HOMER1: variants seen among roughly 807,000 people sequenced by gnomAD.
HOMER1 encodes the protein homer scaffold protein 1, also known as homer protein homolog 1.
Under a neutral mutation model 48.9 loss-of-function variants are expected in HOMER1, and 3 were observed. The ratio of observed to expected loss-of-function variants is 0.06; its 90% CI spans 0.03 to 0.16. The LOEUF (loss-of-function observed/expected upper bound fraction) is 0.16, where lower values mean the gene tolerates loss of function less well. Among genes scored for constraint, HOMER1 ranks in the 10% least tolerant of loss-of-function variants. The pLI, the probability that HOMER1 is intolerant of heterozygous loss-of-function variation, is 1.00. For missense variants in HOMER1, 247 were observed against 411.4 expected (o/e 0.60, Z 3.46); for synonymous variants, 134 against 146.4 (o/e 0.92, Z 0.61).
intron 1 of HOMER1, among the ~76,000 whole-genome samples, chr5:79,484,568 AT>A (rs1752043187): frequency 6.6e-6 from 1 of 152,228 alleles, no homozygotes; most frequent in Admixed American, 6.5e-5. Flanking sequence ...AATTAAAAAA[AT>A]AAAAAATAAA....
chr5:79,464,452 A>G (rs1273365355), intron 1 of HOMER1, among the ~76,000 whole-genome samples: 1 of 152,236 alleles, frequency 6.6e-6, no homozygotes, highest in African/African-American at 2.4e-5. Context: ...TAAGTCCAGG[A>G]ATAGACGGAC....
chr5:79,456,145 CAAA>C (rs66567622), intron 2 of HOMER1, among the ~76,000 whole-genome samples: 17 of 112,518 alleles, frequency 1.5e-4, no homozygotes, highest in Admixed American at 1.8e-4. Context: ...GACTCCGTCT[CAAA>C]AAAAAAAAAA....
At chr5:79,446,141 T>C (rs1429314653) in intron 4 of HOMER1, among the ~76,000 whole-genome samples, 1 of 152,114 alleles carries the variant, frequency 6.6e-6, no homozygotes, top group African/African-American at 2.4e-5. Context: ...AACTAGCCAA[T>C]CCAGAGCCAT....
chr5:79,453,361 G>A (rs4566766), intron 2 of HOMER1, among the ~76,000 whole-genome samples: 49,613 of 151,988 alleles, frequency 0.33, 8,557 homozygotes, highest in African/African-American at 0.44. Context: ...CAACGTGCTG[G>A]TAGTTGGTCA....
At chr5:79,382,442 C>G (rs1215123074) in intron 8 of HOMER1, among the ~76,000 whole-genome samples, 2 of 152,104 alleles carry the variant, frequency 1.3e-5, no homozygotes, top group Admixed American at 1.3e-4. Flanking sequence ...CCCTTCAGAC[C>G]AACAGGGCAT....
At chr5:79,379,428 A>C (rs1441932660) in intron 8 of HOMER1, among the ~76,000 whole-genome samples, 7 of 115,984 alleles carry the variant, frequency 6.0e-5, no homozygotes, top group African/African-American at 2.3e-4. Flanking sequence ...TTTATATATT[A>C]TATATTTATT....
chr5:79,410,349 G>A (rs1749783928), intron 5 of HOMER1, among the ~76,000 whole-genome samples: 1 of 151,952 alleles, frequency 6.6e-6, no homozygotes, highest in African/African-American at 2.4e-5. Context: ...AAATTAGCTA[G>A]GCATGGTGGC....
chr5:79,399,113 T>C (rs1430587883), intron 6 of HOMER1, among the ~76,000 whole-genome samples: 5 of 152,240 alleles, frequency 3.3e-5, no homozygotes, highest in Non-Finnish European at 5.9e-5. Flanking sequence ...ATAGTTTTTA[T>C]TGGAGTAACT....
At chr5:79,407,243 T>A (rs1447334675) in intron 5 of HOMER1, among the ~76,000 whole-genome samples, 1 of 151,838 alleles carries the variant, frequency 6.6e-6, no homozygotes, top group Non-Finnish European at 1.5e-5. Flanking sequence ...GAGGAAATAG[T>A]GTTCATCATT....
chr5:79,424,763 G>A (rs937434976), intron 5 of HOMER1, among the ~76,000 whole-genome samples: 1 of 151,994 alleles, frequency 6.6e-6, no homozygotes, highest in East Asian at 1.9e-4. Flanking sequence ...AAGAAGTCCA[G>A]GAAGATCAGG....
chr5:79,488,628 T>A (rs1190962956), intron 1 of HOMER1, among the ~76,000 whole-genome samples: 1 of 152,234 alleles, frequency 6.6e-6, no homozygotes. Context: ...ACCTTTTTCT[T>A]ACTGTACATC....
At chr5:79,391,914 A>G (rs1749263643) in intron 8 of HOMER1, among the ~76,000 whole-genome samples, 1 of 152,158 alleles carries the variant, frequency 6.6e-6, no homozygotes, top group South Asian at 2.1e-4. Context: ...GTTTTGATCA[A>G]CCATGAACAG....
intron 8 of HOMER1, among the ~76,000 whole-genome samples, chr5:79,385,194 T>A (rs1270373896): frequency 2.0e-5 from 3 of 152,076 alleles, no homozygotes; most frequent in Non-Finnish European, 4.4e-5. Context: ...TGGACATTGG[T>A]GTAGGCAAAG....
chr5:79,472,388 C>T (rs969569290), intron 1 of HOMER1, among the ~76,000 whole-genome samples: 4 of 152,296 alleles, frequency 2.6e-5, no homozygotes, highest in Admixed American at 1.3e-4. Flanking sequence ...TAAATAAATA[C>T]ATATGTAAAC....
At chr5:79,479,997 T>C (rs1251191071) in intron 1 of HOMER1, among the ~76,000 whole-genome samples, 3 of 152,320 alleles carry the variant, frequency 2.0e-5, no homozygotes, top group Non-Finnish European at 4.4e-5. Context: ...CAAATTACTG[T>C]CATGGGACAA....
At chr5:79,488,194 T>C (rs551038174) in intron 1 of HOMER1, among the ~76,000 whole-genome samples, 4 of 152,300 alleles carry the variant, frequency 2.6e-5, no homozygotes, top group Non-Finnish European at 4.4e-5. Flanking sequence ...TTTAAGAACA[T>C]GCAACCCGAA....
intron 4 of HOMER1, among the ~76,000 whole-genome samples, chr5:79,443,827 T>A (rs1403860732): frequency 6.6e-6 from 1 of 152,226 alleles, no homozygotes; most frequent in African/African-American, 2.4e-5. Context: ...AACCATGACC[T>A]GACACTGTGT....
chr5:79,465,527 GA>G (rs1191553647), intron 1 of HOMER1, among the ~76,000 whole-genome samples: 1 of 143,914 alleles, frequency 6.9e-6, no homozygotes, highest in East Asian at 2.1e-4. Flanking sequence ...TGGAAATTAA[GA>G]TTCTTAAATT....
intron 1 of HOMER1, among the ~76,000 whole-genome samples, chr5:79,468,251 T>C (rs1216842396): frequency 2.0e-5 from 3 of 152,220 alleles, no homozygotes; most frequent in Non-Finnish European, 2.9e-5. Flanking sequence ...AGCTTTTAAA[T>C]ATATATGGAA....
Sources: gnomAD v4.1 joint callset for allele counts (sites outside exome capture counted in the v4.1 genomes callset) on GRCh38, gnomAD v4.1.1 for gene constraint, MANE v1.5 for transcripts, NCBI Gene and HGNC (gene_info 2026-07-23, HGNC 2026-07-21) for gene names.